The following SPOCK3 variants were observed in gnomAD, a reference collection of about 807,000 sequenced individuals.
SPOCK3 encodes the protein SPARC (osteonectin), cwcv and kazal like domains proteoglycan 3, also known as testican-3.
In SPOCK3, 30 loss-of-function variants were observed where a neutral mutation model predicts 56.6. The ratio of observed to expected loss-of-function variants is 0.53; its 90% confidence interval spans 0.40 to 0.72. The LOEUF is 0.72. Among genes scored for constraint, SPOCK3 ranks in the 30% least tolerant of loss-of-function variants. The probability of loss-of-function intolerance (pLI) is 0.00; values close to 1 mark genes in which losing one functional copy is unlikely to be tolerated. For synonymous variants in SPOCK3, 196 were observed against 183.3 expected (o/e 1.07, Z -0.56); for missense variants, 527 against 530.0 (o/e 0.99, Z 0.06).
chr4:166,927,887 GA>G (rs544727262), intron 4 of SPOCK3, among the ~76,000 whole-genome samples: 26 of 150,450 alleles, frequency 1.7e-4, no homozygotes, highest in South Asian at 1.1e-3. Context: ...TCAACAATAA[GA>G]AAAAAAAATG....
intron 5 of SPOCK3, among the ~76,000 whole-genome samples, chr4:166,892,696 C>T (rs1428574372): frequency 6.6e-6 from 1 of 151,984 alleles, no homozygotes; most frequent in Admixed American, 6.6e-5. Context: ...TAGAGAAAGA[C>T]ATGATTAATG....
intron 7 of SPOCK3, among the ~76,000 whole-genome samples, chr4:166,783,288 G>A (rs1740373126): frequency 6.6e-6 from 1 of 152,128 alleles, no homozygotes; most frequent in African/African-American, 2.4e-5. Flanking sequence ...GAACCTGGGA[G>A]GTGGTGGTTG....
intron 9 of SPOCK3, among the ~76,000 whole-genome samples, chr4:166,740,806 G>C (rs989738158): frequency 2.0e-5 from 3 of 152,048 alleles, no homozygotes; most frequent in East Asian, 1.9e-4. Context: ...GATTACAGGC[G>C]TGAGCCACTG....
chr4:166,979,115 A>G (rs547958213), intron 4 of SPOCK3, among the ~76,000 whole-genome samples: 1 of 152,296 alleles, frequency 6.6e-6, no homozygotes, highest in East Asian at 1.9e-4. Context: ...TTCCTGGAAA[A>G]AAATCCCTTT....
At chr4:166,746,918 C>T (rs529227583) in intron 8 of SPOCK3, among the ~76,000 whole-genome samples, 5 of 152,198 alleles carry the variant, frequency 3.3e-5, no homozygotes, top group South Asian at 2.1e-4. Context: ...CATACACCCT[C>T]CCAAGACTAA....
Position 167,203,133 on chromosome 4 carries a change from G to C in SPOCK3, c.189+30852C>G, listed in dbSNP as rs76820676. Among the ~76,000 whole-genome samples, 168 of 151,824 alleles carry C rather than the reference G, an allele frequency of 1.1e-3. 3 individuals carry two copies. In the East Asian group the frequency reaches 0.031, roughly 28 times the overall value. ...AGCTATTAATGAATTTCTGTATTTTGTGTTTACTGTTATAATGTGAAAATA... is the reference window on the plus strand; with the variant it reads ...AGCTATTAATGAATTTCTGTATTTTCTGTTTACTGTTATAATGTGAAAATA... On this transcript the variant is annotated intron_variant, in intron 2 of 10. Transcript: ENST00000357545.
intron 2 of SPOCK3, among the ~76,000 whole-genome samples, chr4:167,097,616 T>C (rs1759275581): frequency 2.0e-5 from 3 of 151,952 alleles, no homozygotes; most frequent in South Asian, 4.1e-4. Flanking sequence ...CATTGATATA[T>C]TGCATGATGC....
intron 5 of SPOCK3, among the ~76,000 whole-genome samples, chr4:166,898,777 G>A (rs768840821): frequency 1.3e-5 from 2 of 152,124 alleles, no homozygotes; most frequent in Non-Finnish European, 2.9e-5. Flanking sequence ...CCAAAAATAG[G>A]TGTGTGTAAC....
At chr4:166,993,026 T>A (rs1747967306) in intron 4 of SPOCK3, among the ~76,000 whole-genome samples, 1 of 152,148 alleles carries the variant, frequency 6.6e-6, no homozygotes, top group Non-Finnish European at 1.5e-5. Context: ...GATCATCGAT[T>A]TAAACCCCTG....
chr4:166,781,589 G>A (rs760321368), intron 7 of SPOCK3, among the ~76,000 whole-genome samples: 2 of 151,890 alleles, frequency 1.3e-5, no homozygotes, highest in East Asian at 1.9e-4. Flanking sequence ...AAATGGGGTC[G>A]AAGAATATTT....
At chr4:166,960,199 T>C (rs1743990729) in intron 4 of SPOCK3, among the ~76,000 whole-genome samples, 3 of 152,204 alleles carry the variant, frequency 2.0e-5, no homozygotes, top group Admixed American at 1.3e-4. Flanking sequence ...ATTTGGAAAT[T>C]GTTATACTTT....
intron 5 of SPOCK3, among the ~76,000 whole-genome samples, chr4:166,894,211 C>T (rs1048992363): frequency 1.3e-5 from 2 of 151,920 alleles, no homozygotes; most frequent in East Asian, 1.9e-4. Flanking sequence ...AACTTGACTT[C>T]GAAAAACTTC....
chr4:167,080,022 T>TG (rs1757566015), intron 2 of SPOCK3, among the ~76,000 whole-genome samples: 1 of 151,968 alleles, frequency 6.6e-6, no homozygotes, highest in South Asian at 2.1e-4. Flanking sequence ...ATCTGCTATC[T>TG]GGGGGGAGGA....
At chr4:167,077,388 G>C (rs1757296734) in intron 2 of SPOCK3, among the ~76,000 whole-genome samples, 1 of 151,662 alleles carries the variant, frequency 6.6e-6, no homozygotes, top group Admixed American at 6.6e-5. Flanking sequence ...CAAATGAAAA[G>C]TGTAGAAATG....
At chr4:166,955,599 TAATCAAATTAGA>T (rs1321918631) in intron 4 of SPOCK3, among the ~76,000 whole-genome samples, 4 of 145,480 alleles carry the variant, frequency 2.7e-5, no homozygotes, top group African/African-American at 1.0e-4. Context: ...AAATTTAATA[TAATCAAATTAGA>T]TTAAATTTAA....
At position 166,946,541 on chromosome 4, in the gene SPOCK3, C is replaced by T. The variant is rs80301886; in HGVS notation, c.351-33798G>A. On this transcript the variant is annotated intron_variant, in intron 4 of 10. Coordinates refer to ENST00000357545, the MANE Select transcript of SPOCK3 (RefSeq NM_001040159.2). ...AAATACTCTTTCCCAGACAGCCAAT[C>T]GATTAGCTTCTTCAGTACTTCAAAT... 1.3e-3 allele frequency among the ~76,000 whole-genome samples: 191 copies of T among 152,256 alleles called. 3 individuals are homozygous for T. The East Asian group carries it at 0.03, about 24-fold the overall frequency.
At chr4:166,809,830 T>C (rs1743581395) in intron 6 of SPOCK3, among the ~76,000 whole-genome samples, 1 of 152,014 alleles carries the variant, frequency 6.6e-6, no homozygotes, top group African/African-American at 2.4e-5. Flanking sequence ...AACATCAACA[T>C]CAGACAAGCC....
intron 3 of SPOCK3, among the ~76,000 whole-genome samples, chr4:167,025,887 T>C (rs1466520437): frequency 6.6e-6 from 1 of 152,116 alleles, no homozygotes; most frequent in East Asian, 1.9e-4. Flanking sequence ...AGTCTACTAC[T>C]CACCTAGGCT....
chr4:166,852,485 CT>C (rs895580713), intron 6 of SPOCK3, among the ~76,000 whole-genome samples: 10 of 152,032 alleles, frequency 6.6e-5, no homozygotes, highest in Non-Finnish European at 1.2e-4. Context: ...GAAACGAACC[CT>C]TTGGAAAGAC....
Sources: gnomAD v4.1 joint callset for allele counts (sites outside exome capture counted in the v4.1 genomes callset) on GRCh38, gnomAD v4.1.1 for gene constraint, MANE v1.5 for transcripts, NCBI Gene and HGNC (gene_info 2026-07-23, HGNC 2026-07-21) for gene names.